MAGI2: variants seen among roughly 807,000 people sequenced by gnomAD.
MAGI2 encodes the protein membrane-associated guanylate kinase, WW and PDZ domain-containing protein 2.
Under a neutral mutation model 133.3 loss-of-function variants are expected in MAGI2, and 35 were observed. The observed-to-expected ratio is 0.26, with a 90% CI of 0.20 to 0.35. The LOEUF (loss-of-function observed/expected upper bound fraction) is 0.35. MAGI2 is among the 10% of genes least tolerant of loss of function. The pLI is 1.00. For synonymous variants in MAGI2, 729 were observed against 710.6 expected, an observed-to-expected ratio of 1.03 and a Z score of -0.41; for missense variants, 1,636 against 1,863.4, an observed-to-expected ratio of 0.88 and a Z score of 2.25.
chr7:78,345,281 T>C (rs1790776539), intron 8 of MAGI2, among the ~76,000 whole-genome samples: 1 of 152,206 alleles, frequency 6.6e-6, no homozygotes, highest in Non-Finnish European at 1.5e-5. Flanking sequence ...CTGCAGTATA[T>C]GGCGTGAAAA....
rs1317249388 is a variant in MAGI2, at chr7:79,231,392, C to G, written c.301+221628G>C. Among the ~76,000 whole-genome samples, 2 of 73,880 alleles carry G rather than the reference C, an allele frequency of 2.7e-5. 1 individual carries two copies. Among genetic ancestry groups the G allele is most frequent in the Non-Finnish European group, 6.8e-5 (2 of 29,508 alleles). The allele number at this position is 73,880 out of a possible 152,430, so 48.5% of individuals were successfully genotyped here. ...TGTAAATTACCTTGGGCAGTATGGC[C>G]ATTTTCACGATATTGATTCTTCCTA... On this transcript the variant is annotated intron_variant, in intron 1 of 21. Coordinates refer to ENST00000354212, the MANE Select transcript of MAGI2 (RefSeq NM_012301.4).
At chr7:78,169,179 C>A (rs368904557) in intron 14 of MAGI2, among the ~76,000 whole-genome samples, 4 of 152,208 alleles carry the variant, frequency 2.6e-5, no homozygotes, top group Admixed American at 2.6e-4. Context: ...ATTAGCAGGG[C>A]TTTTTTCTTT....
chr7:78,973,881 G>T (rs1183868079), intron 2 of MAGI2, among the ~76,000 whole-genome samples: 2 of 151,748 alleles, frequency 1.3e-5, no homozygotes, highest in African/African-American at 4.8e-5. Flanking sequence ...CTCTTCTCCT[G>T]TCTCTACTTT....
intron 9 of MAGI2, among the ~76,000 whole-genome samples, chr7:78,266,496 C>A (rs1251568270): frequency 1.3e-5 from 2 of 152,076 alleles, no homozygotes; most frequent in South Asian, 2.1e-4. Flanking sequence ...AGCCAACACA[C>A]TCAGCCAGAG....
intron 6 of MAGI2, chr7:78,487,231 T>A (rs572591648): frequency 1.2e-4 from 27 of 217,900 alleles, no homozygotes; most frequent in Non-Finnish European, 2.4e-4. Context: ...TTTCTAAGGC[T>A]GCACAGGGAA....
intron 6 of MAGI2, among the ~76,000 whole-genome samples, chr7:78,462,681 G>A (rs1790186111): frequency 6.6e-6 from 1 of 152,244 alleles, no homozygotes; most frequent in African/African-American, 2.4e-5. Context: ...TTATCAGTTT[G>A]CATATTAAAT....
chr7:79,026,276 A>G (rs1809874363), intron 1 of MAGI2, among the ~76,000 whole-genome samples: 1 of 152,236 alleles, frequency 6.6e-6, no homozygotes, highest in South Asian at 2.1e-4. Flanking sequence ...TTTTAAACCT[A>G]TTAAAGGATA....
At chr7:78,952,059 C>T (rs1801916452) in intron 2 of MAGI2, among the ~76,000 whole-genome samples, 1 of 152,140 alleles carries the variant, frequency 6.6e-6, no homozygotes, top group Non-Finnish European at 1.5e-5. Context: ...ACCTCTTTGC[C>T]TGGCATTTCC....
intron 6 of MAGI2, among the ~76,000 whole-genome samples, chr7:78,474,080 G>A (rs73372341): frequency 0.038 from 5,777 of 152,000 alleles, 372 homozygotes; most frequent in African/African-American, 0.13. Flanking sequence ...ATTAACCGGT[G>A]TGTTTTAGGC....
intron 1 of MAGI2, among the ~76,000 whole-genome samples, chr7:79,400,414 A>G (rs1412574083): frequency 1.3e-5 from 2 of 152,184 alleles, no homozygotes; most frequent in Non-Finnish European, 2.9e-5. Context: ...CATAGTGCTG[A>G]CTTTGCATTT....
At chr7:78,350,948 C>T (rs1471415181) in intron 7 of MAGI2, among the ~76,000 whole-genome samples, 1 of 152,152 alleles carries the variant, frequency 6.6e-6, no homozygotes, top group Non-Finnish European at 1.5e-5. Flanking sequence ...TGGATGACAC[C>T]TTTGCACCTG....
intron 2 of MAGI2, among the ~76,000 whole-genome samples, chr7:78,760,361 C>CT (rs71085562): frequency 0.52 from 64,722 of 124,442 alleles, 17,427 homozygotes; most frequent in Non-Finnish European, 0.56. Flanking sequence ...TTAATTCTCT[C>CT]TTTTTTTTTT....
chr7:78,267,807 T>G (rs1025070862), intron 9 of MAGI2, among the ~76,000 whole-genome samples: 1 of 152,276 alleles, frequency 6.6e-6, no homozygotes, highest in South Asian at 2.1e-4. Flanking sequence ...AGCCTAGGGG[T>G]TTCAGGGAAA....
At chr7:78,525,531 A>G (rs1584497637) in intron 3 of MAGI2, among the ~76,000 whole-genome samples, 1 of 152,240 alleles carries the variant, frequency 6.6e-6, no homozygotes, top group African/African-American at 2.4e-5. Flanking sequence ...TTAAAATACA[A>G]TTTGGAAAAA....
intron 3 of MAGI2, among the ~76,000 whole-genome samples, chr7:78,619,814 G>A (rs1027893372): frequency 1.3e-5 from 2 of 151,686 alleles, no homozygotes; most frequent in African/African-American, 4.8e-5. Flanking sequence ...ACCTTAAAGG[G>A]GTATAAAACT....
At chr7:79,305,989 CT>C (rs765424561) in intron 1 of MAGI2, among the ~76,000 whole-genome samples, 2,324 of 138,418 alleles carry the variant, frequency 0.017, 55 homozygotes, top group African/African-American at 0.053. Context: ...CCTGTAGTAT[CT>C]TTTTTTTTTT....
intron 9 of MAGI2, among the ~76,000 whole-genome samples, chr7:78,287,583 T>C (rs1421617589): frequency 6.6e-6 from 1 of 152,114 alleles, no homozygotes; most frequent in East Asian, 1.9e-4. Context: ...AAATCTGTAT[T>C]CTTGAGTCAT....
At chr7:78,930,200 T>C (rs1445817106) in intron 2 of MAGI2, among the ~76,000 whole-genome samples, 1 of 152,098 alleles carries the variant, frequency 6.6e-6, no homozygotes, top group Non-Finnish European at 1.5e-5. Flanking sequence ...AGAAGCAAAT[T>C]ACTCAATTTG....
chr7:78,748,577 T>G (rs1272243686), intron 2 of MAGI2, among the ~76,000 whole-genome samples: 1 of 152,214 alleles, frequency 6.6e-6, no homozygotes, highest in Non-Finnish European at 1.5e-5. Flanking sequence ...TTTGTGTCTT[T>G]AATTATATTT....
Sources: gnomAD v4.1 joint callset for allele counts (sites outside exome capture counted in the v4.1 genomes callset) on GRCh38, gnomAD v4.1.1 for gene constraint, MANE v1.5 for transcripts, NCBI Gene and HGNC (gene_info 2026-07-23, HGNC 2026-07-21) for gene names.